Variants in NCOR1 observed in about 807,000 individuals in gnomAD.
The protein encoded by NCOR1 is protein phosphatase 1, regulatory subunit 109.
NCOR1 carries 63 observed loss-of-function variants against 288.1 expected under a neutral mutation model. That is an observed-to-expected ratio of 0.22 (90% CI 0.18 to 0.27). NCOR1 has a LOEUF of 0.27. NCOR1 is among the 10% of genes least tolerant of loss of function. The pLI, the probability that NCOR1 is intolerant of heterozygous loss-of-function variation, is 1.00. For synonymous variants in NCOR1, 1,007 were observed against 1,065.9 expected (o/e 0.94, Z 1.08); for missense variants, 2,397 against 3,019.2 (o/e 0.79, Z 4.83).
intron 4 of NCOR1, among the ~76,000 whole-genome samples, chr17:16,171,224 T>C (rs571565913): frequency 4.1e-4 from 62 of 152,266 alleles, no homozygotes; most frequent in Middle Eastern, 3.4e-3. Flanking sequence ...ATATACACAA[T>C]TTTTATTCCA....
intron 38 of NCOR1, 41 bp downstream of exon 38, chr17:16,058,430 C>T: frequency 1.2e-6 from 2 of 1,601,142 alleles, no homozygotes; most frequent in South Asian, 2.2e-5. Context: ...ATGATAAATG[C>T]AAATATGAAA....
At chr17:16,140,136 G>A (rs2076950695) in intron 11 of NCOR1, among the ~76,000 whole-genome samples, 1 of 151,840 alleles carries the variant, frequency 6.6e-6, no homozygotes, top group Non-Finnish European at 1.5e-5. Flanking sequence ...TAGAAATAAT[G>A]GCTACATATT....
At chr17:16,073,709 G>T in intron 27 of NCOR1, 140 bp from the exon 28 acceptor site, 2 of 671,640 alleles carry the variant, frequency 3.0e-6, no homozygotes, top group Non-Finnish European at 4.3e-6. Context: ...ATGTGTAGAT[G>T]ATTCATGAAA....
chr17:16,123,388 C>A (rs1460049982), intron 15 of NCOR1, among the ~76,000 whole-genome samples: 1 of 152,096 alleles, frequency 6.6e-6, no homozygotes, highest in East Asian at 1.9e-4. Flanking sequence ...CCTTAGTACC[C>A]CAATCCTGGC....
chr17:16,081,495 A>G (rs1050533515), intron 23 of NCOR1, among the ~76,000 whole-genome samples: 8 of 152,172 alleles, frequency 5.3e-5, no homozygotes, highest in African/African-American at 1.9e-4. Context: ...GGAAGTGTTG[A>G]AAACCAAAAG....
rs1044538871 is a variant in NCOR1 at position 16,086,384 on chromosome 17, C to T, written c.3075G>A (p.Pro1025=). Residue 1025 remains proline, a synonymous_variant, in exon 23 of 46, where the codon CCG becomes CCA. Coordinates refer to ENST00000268712, the MANE Select transcript of NCOR1 (RefSeq NM_006311.4). ...ITNLPEGVRL[P]TTRPTRPPPP... ...GCGGTGGCCTGGTTGGTCGAGTTGTCGGAAGCCGAACGCCTTCAGGGAGAT... is the reference window on the plus strand; with the variant it reads ...GCGGTGGCCTGGTTGGTCGAGTTGTTGGAAGCCGAACGCCTTCAGGGAGAT... 1.7e-5 allele frequency: 27 copies of T among 1,613,868 alleles called. No individual in the cohort carries two copies. Among genetic ancestry groups the T allele is most frequent in the Middle Eastern group, 1.6e-4 (1 of 6,084 alleles).
At chr17:16,056,716 A>C (rs1306608858) in intron 40 of NCOR1, among the ~76,000 whole-genome samples, 1 of 152,156 alleles carries the variant, frequency 6.6e-6, no homozygotes, top group Non-Finnish European at 1.5e-5. Flanking sequence ...TCCTGTGTCC[A>C]CTTTATTTTA....
chr17:16,065,093 G>A, intron 33 of NCOR1, 74 bp from the exon 34 acceptor site: 13 of 1,370,720 alleles, frequency 9.5e-6, no homozygotes, highest in Middle Eastern at 1.9e-4. Flanking sequence ...TTTGGATTTT[G>A]TCTATCTCTG....
chr17:16,160,029 A>G (rs1053862134), intron 5 of NCOR1, among the ~76,000 whole-genome samples: 10 of 151,904 alleles, frequency 6.6e-5, no homozygotes, highest in Non-Finnish European at 1.3e-4. Context: ...ACAGGGATTC[A>G]CCATGTTGGT....
At chr17:16,149,347 A>G (rs2078515313) in intron 9 of NCOR1, 104 bp downstream of exon 9, 2 of 417,124 alleles carry the variant, frequency 4.8e-6, no homozygotes, top group Non-Finnish European at 8.9e-6. Flanking sequence ...CTTATCCTCA[A>G]ATGGAGTCAA....
intron 4 of NCOR1, among the ~76,000 whole-genome samples, chr17:16,167,602 G>A (rs2082256405): frequency 6.6e-6 from 1 of 151,978 alleles, no homozygotes; most frequent in African/African-American, 2.4e-5. Context: ...GCTCACACCT[G>A]TAATCCCAGC....
At chr17:16,208,325 T>G (rs537974162) in intron 1 of NCOR1, among the ~76,000 whole-genome samples, 1 of 150,224 alleles carries the variant, frequency 6.7e-6, no homozygotes, top group South Asian at 2.1e-4. Flanking sequence ...CCCAAAGTGC[T>G]GGGATTACAG....
At chr17:16,129,028 G>T (rs2075196502) in intron 14 of NCOR1, among the ~76,000 whole-genome samples, 1 of 151,992 alleles carries the variant, frequency 6.6e-6, no homozygotes, top group Non-Finnish European at 1.5e-5. Context: ...ATATTCCCTA[G>T]AACATATAAG....
At chr17:16,113,060 A>G (rs1568099774) in intron 18 of NCOR1, among the ~76,000 whole-genome samples, 2 of 151,502 alleles carry the variant, frequency 1.3e-5, no homozygotes, top group Non-Finnish European at 2.9e-5. Context: ...ACAGGCACCC[A>G]CCACCATGGC....
At chr17:16,129,034 A>G (rs1020585663) in intron 14 of NCOR1, among the ~76,000 whole-genome samples, 1 of 152,256 alleles carries the variant, frequency 6.6e-6, no homozygotes, top group East Asian at 1.9e-4. Flanking sequence ...CCTAGAACAT[A>G]TAAGTGATTG....
At chr17:16,197,056 C>T (rs1236303411) in intron 1 of NCOR1, among the ~76,000 whole-genome samples, 2 of 151,226 alleles carry the variant, frequency 1.3e-5, no homozygotes, top group Non-Finnish European at 3.0e-5. Flanking sequence ...ACTTTAAGGC[C>T]GGGCGCGGTG....
intron 18 of NCOR1, among the ~76,000 whole-genome samples, chr17:16,110,380 A>G (rs551269525): frequency 6.6e-6 from 1 of 152,186 alleles, no homozygotes; most frequent in South Asian, 2.1e-4. Flanking sequence ...AAAAAAACAA[A>G]AATTTTTTTT....
At chr17:16,192,334 C>A (rs201332018) in intron 2 of NCOR1, among the ~76,000 whole-genome samples, 7 of 151,896 alleles carry the variant, frequency 4.6e-5, no homozygotes, top group Non-Finnish European at 1.0e-4. Context: ...GCCAACATAG[C>A]GAAAACTTGT....
chr17:16,159,499 T>G (rs760111019), intron 5 of NCOR1, among the ~76,000 whole-genome samples: 4 of 150,986 alleles, frequency 2.6e-5, no homozygotes, highest in Non-Finnish European at 5.9e-5. Flanking sequence ...GAAGGTACTC[T>G]ACATACCTCT....
Sources: gnomAD v4.1 joint callset for allele counts (sites outside exome capture counted in the v4.1 genomes callset) on GRCh38, gnomAD v4.1.1 for gene constraint, MANE v1.5 for transcripts, NCBI Gene and HGNC (gene_info 2026-07-23, HGNC 2026-07-21) for gene names.